CHKA: variants seen among roughly 807,000 people sequenced by gnomAD.
The protein encoded by CHKA is CHETK-alpha.
A neutral mutation model predicts 60.1 loss-of-function variants in CHKA; 34 were observed. The observed-to-expected ratio is 0.57, with a 90% CI of 0.43 to 0.75. The LOEUF is 0.75. Among genes scored for constraint, CHKA ranks in the 30% least tolerant of loss-of-function variants. The probability of loss-of-function intolerance (pLI) is 0.00; values close to 1 mark genes in which losing one functional copy is unlikely to be tolerated. For missense variants in CHKA, 563 were observed against 561.3 expected, an observed-to-expected ratio of 1.00 and a Z score of -0.03; for synonymous variants, 217 against 223.1, an observed-to-expected ratio of 0.97 and a Z score of 0.24.
chr11:68,077,165 G>C (rs1388087877), intron 3 of CHKA, among the ~76,000 whole-genome samples: 1 of 151,408 alleles, frequency 6.6e-6, no homozygotes, highest in Admixed American at 6.6e-5. Flanking sequence ...GCCTGAACAT[G>C]GGAGGCAGAG....
At chr11:68,091,542 A>AC (rs748840059) in intron 2 of CHKA, among the ~76,000 whole-genome samples, 36 of 152,344 alleles carry the variant, frequency 2.4e-4, no homozygotes, top group Non-Finnish European at 4.3e-4. Context: ...GGATACAGTC[A>AC]GGAAGTTTGT....
chr11:68,084,600 C>G (rs1366908321), intron 2 of CHKA, among the ~76,000 whole-genome samples: 1 of 151,040 alleles, frequency 6.6e-6, no homozygotes, highest in Non-Finnish European at 1.5e-5. Context: ...AGTTATAAAA[C>G]AAAACTAAGC....
chr11:68,054,473 C>T (rs571459719), intron 11 of CHKA, among the ~76,000 whole-genome samples: 9 of 152,282 alleles, frequency 5.9e-5, no homozygotes, highest in South Asian at 2.1e-4. Flanking sequence ...GGATGCCCAT[C>T]GCCTATTTCC....
chr11:68,082,436 C>T (rs757086030), intron 2 of CHKA: 1 of 152,530 alleles, frequency 6.6e-6, no homozygotes, highest in African/African-American at 2.4e-5. Flanking sequence ...AGAAAGGAAA[C>T]CTCTTTAAAA....
intron 10 of CHKA, among the ~76,000 whole-genome samples, chr11:68,063,805 C>T (rs1856338042): frequency 6.6e-6 from 1 of 152,158 alleles, no homozygotes; most frequent in Admixed American, 6.5e-5. Flanking sequence ...GTCCTACCTT[C>T]TTCTCTATCT....
At position 68,062,001 on chromosome 11, in the gene CHKA, C is replaced by G; in HGVS notation, c.1266G>C (p.Leu422=). 1 of 1,599,082 alleles carries G rather than the reference C, an allele frequency of 6.3e-7. No homozygotes were observed. ...AAATCTTGGCTTGTACAATGGACCA[C>G]AGTCCCCAGAGGAAATGAGATGCAA... The part of the protein sequence containing the change: ...FALASHFLWG[L]WSIVQAKISS... Residue 422 remains leucine (L), a synonymous_variant, in exon 11 of 12, where the codon CTG becomes CTC. Coordinates refer to ENST00000265689, the MANE Select transcript of CHKA (RefSeq NM_001277.3).
Position 68,121,083 on chromosome 11 carries a change from C to A in CHKA, c.95G>T (p.Gly32Val). 1 of 1,136,472 alleles carries A rather than the reference C, an allele frequency of 8.8e-7. No homozygotes were observed. Among genetic ancestry groups the A allele is most frequent in the Non-Finnish European group, 1.1e-6 (1 of 927,440 alleles). 70.4% of individuals were successfully genotyped at this position (1,136,472 alleles called of 1,614,324 possible). A position where few individuals can be genotyped will look rare whatever the true frequency, so the allele number is the denominator to read the frequency against. The change falls in exon 1 of 12, where the codon GGC (glycine) becomes GTC (valine). Residue 32 changes from glycine to valine, a missense_variant. By Grantham distance (109) the Gly-to-Val change is moderately radical. Coordinates refer to ENST00000265689, the MANE Select transcript of CHKA (RefSeq NM_001277.3). ...CGSGSAAPAPGVGQQRDAASD... is the reference protein window; with the variant it reads ...CGSGSAAPAPVVGQQRDAASD... ...GGCGGCGTCGCGCTGCTGCCCCACGCCGGGCGCCGGGGCCGCGCTGCCGCT... is the reference window on the plus strand; with the variant it reads ...GGCGGCGTCGCGCTGCTGCCCCACGACGGGCGCCGGGGCCGCGCTGCCGCT...
chr11:68,088,110 C>CAAAAAAA (rs55932145), intron 2 of CHKA, among the ~76,000 whole-genome samples: 5 of 71,254 alleles, frequency 7.0e-5, no homozygotes, highest in South Asian at 6.4e-4. Context: ...GAGGCTGTCT[C>CAAAAAAA]AAAAAAAAAA....
intron 1 of CHKA, among the ~76,000 whole-genome samples, chr11:68,112,053 CAAAAAAAA>C (rs754639082): frequency 3.8e-3 from 80 of 20,912 alleles, no homozygotes; most frequent in African/African-American, 0.018. Flanking sequence ...AACTCCGTCT[CAAAAAAAA>C]AAAAAAAAAA....
At chr11:68,097,158 T>A in intron 1 of CHKA, 28 bp from the exon 2 acceptor site, 1 of 1,559,820 alleles carries the variant, frequency 6.4e-7, no homozygotes. Flanking sequence ...ACAGTAAGTA[T>A]CTTTATTGCA....
In CHKA at chr11:68,066,504, A is replaced by C; in HGVS notation, c.941T>G (p.Leu314Trp). 6.2e-7 allele frequency: 1 copy of C among 1,614,084 alleles called. No individual in the cohort carries two copies. Among genetic ancestry groups the C allele is most frequent in the Non-Finnish European group, 8.5e-7 (1 of 1,179,878 alleles). Residue 314 changes from leucine to tryptophan, a missense_variant, in exon 8 of 12, where the codon TTG becomes TGG. Physicochemically the swap from Leu to Trp is moderately conservative, Grantham distance 61. Coordinates refer to ENST00000265689, the MANE Select transcript of CHKA (RefSeq NM_001277.3). ...TTCAGAATTCTCTCGGCCTTCCAGC[A>C]ACAAGATATTACCTGCAAAAGGTTT... is the stretch of plus-strand genomic sequence containing the variant. ...HNDCQEGNIL[L>W]LEGRENSEKQ...
chr11:68,065,069 T>C (rs938977610), intron 9 of CHKA, among the ~76,000 whole-genome samples: 16 of 152,270 alleles, frequency 1.1e-4, no homozygotes, highest in African/African-American at 3.9e-4. Flanking sequence ...CCTCCCATCA[T>C]TCAGGACAGG....
chr11:68,101,774 A>G (rs1857734903), intron 1 of CHKA, among the ~76,000 whole-genome samples: 1 of 152,206 alleles, frequency 6.6e-6, no homozygotes, highest in African/African-American at 2.4e-5. Flanking sequence ...ACAATATCCC[A>G]TGTTCATGTA....
chr11:68,081,566 A>T, intron 2 of CHKA, 109 bp from the exon 3 acceptor site: 1 of 858,684 alleles, frequency 1.2e-6, no homozygotes. Flanking sequence ...ACAGGTCTTT[A>T]AGGAAGGTTT....
chr11:68,071,966 T>C (rs991083607), intron 4 of CHKA, among the ~76,000 whole-genome samples: 1 of 152,142 alleles, frequency 6.6e-6, no homozygotes, highest in African/African-American at 2.4e-5. Flanking sequence ...TGTCAACAAA[T>C]TACCATGCTG....
intron 1 of CHKA, among the ~76,000 whole-genome samples, chr11:68,107,417 T>C (rs1196099757): frequency 1.3e-5 from 2 of 152,048 alleles, no homozygotes; most frequent in Admixed American, 1.3e-4. Context: ...ACTTATAATC[T>C]TTTCCTTCCT....
Position 68,066,434 on chromosome 11 carries a change from A to G in CHKA, c.1011T>C (p.Asn337=). 1 of 1,610,596 alleles carries G rather than the reference A, an allele frequency of 6.2e-7. No individual in the cohort carries two copies. Among genetic ancestry groups the G allele is most frequent in the Non-Finnish European group, 8.5e-7 (1 of 1,176,694 alleles). The change falls in exon 8 of 12, where the codon AAT becomes AAC. Residue 337 remains asparagine (N), a synonymous_variant. Coordinates refer to ENST00000265689, the MANE Select transcript of CHKA (RefSeq NM_001277.3). ...ACTGGACTGTAACACAGTACCTGTA[A>G]TTGTAACTGCTGTATTCGAAATCAA... The part of the protein sequence containing the change: ...MLIDFEYSSY[N]YRGFDIGNHF...
At chr11:68,080,777 T>C (rs965074440) in intron 3 of CHKA, among the ~76,000 whole-genome samples, 1 of 152,248 alleles carries the variant, frequency 6.6e-6, no homozygotes, top group Non-Finnish European at 1.5e-5. Flanking sequence ...CTGCACATAA[T>C]GGCAGAGATG....
At position 68,120,700 on chromosome 11, in the gene CHKA, G is replaced by A. The variant is rs1858597145; in HGVS notation, c.350+128C>T. The A allele has an allele frequency of 1.8e-5, 5 of 285,084 alleles. No homozygotes were observed. In the Admixed American group the frequency reaches 2.9e-4, roughly 16 times the overall value. The allele number at this position is 285,084 out of a possible 1,614,324, so 17.7% of individuals were successfully genotyped here. A position where few individuals can be genotyped will look rare whatever the true frequency, so the allele number is the denominator to read the frequency against. ...CGCCGGCTGCGGTCCCCGGTCCCCG[G>A]CCTCCGCCCCGGCCCCGGCTCCCCC... On this transcript the variant is annotated intron_variant, in intron 1 of 11. Transcript: ENST00000265689.
Sources: allele counts gnomAD v4.1 joint callset (sites outside exome capture counted in the v4.1 genomes callset), GRCh38; gene constraint gnomAD v4.1.1; transcripts MANE v1.5; gene names NCBI Gene and HGNC (gene_info 2026-07-23, HGNC 2026-07-21).